DAB1: variants seen among roughly 807,000 people sequenced by gnomAD.
The protein encoded by DAB1 is DAB adaptor protein 1.
Under a neutral mutation model 64.6 loss-of-function variants are expected in DAB1, and 15 were observed. The observed-to-expected ratio is 0.23, with a 90% CI of 0.16 to 0.36. The LOEUF is 0.36. Ranked by LOEUF, DAB1 falls within the 10% of genes least tolerant of loss-of-function variation. The probability of loss-of-function intolerance (pLI) is 1.00; values close to 1 mark genes in which losing one functional copy is unlikely to be tolerated. For missense variants in DAB1, 596 were observed against 706.7 expected, an observed-to-expected ratio of 0.84 and a Z score of 1.78; for synonymous variants, 235 against 251.9, an observed-to-expected ratio of 0.93 and a Z score of 0.64.
intron 3 of DAB1, among the ~76,000 whole-genome samples, chr1:57,143,267 G>A (rs1658787780): frequency 6.6e-6 from 1 of 152,116 alleles, no homozygotes; most frequent in African/African-American, 2.4e-5. Flanking sequence ...ATTCAAGAAA[G>A]CTCACTGTGG....
chr1:58,460,723 G>T (rs12040053), intron 3 of DAB1, among the ~76,000 whole-genome samples: 47,664 of 152,088 alleles, frequency 0.31, 7,832 homozygotes, highest in Non-Finnish European at 0.36. Context: ...CACCCAGACA[G>T]TGTGTATAAT....
intron 2 of DAB1, among the ~76,000 whole-genome samples, chr1:57,288,102 T>C (rs1231076920): frequency 6.6e-6 from 1 of 152,166 alleles, no homozygotes; most frequent in African/African-American, 2.4e-5. Flanking sequence ...AGCCCTTCTC[T>C]CTCATTTTAA....
At chr1:57,037,924 C>A (rs1021235770) in intron 9 of DAB1, among the ~76,000 whole-genome samples, 1 of 152,216 alleles carries the variant, frequency 6.6e-6, no homozygotes, top group East Asian at 1.9e-4. Context: ...AGTTCTCTAT[C>A]TGTGCTGTCC....
chr1:58,371,744 C>A (rs930844213), intron 3 of DAB1, among the ~76,000 whole-genome samples: 1 of 152,184 alleles, frequency 6.6e-6, no homozygotes, highest in Non-Finnish European at 1.5e-5. Context: ...TGCATCGCAG[C>A]TGCTCCACCT....
chr1:57,643,832 T>G (rs1463585085), intron 7 of DAB1, among the ~76,000 whole-genome samples: 1 of 152,172 alleles, frequency 6.6e-6, no homozygotes, highest in African/African-American at 2.4e-5. Context: ...GGATTCAAGT[T>G]TGAAGGACCT....
intron 5 of DAB1, among the ~76,000 whole-genome samples, chr1:58,088,274 T>C (rs1447561400): frequency 2.0e-5 from 3 of 152,228 alleles, no homozygotes; most frequent in Non-Finnish European, 4.4e-5. Flanking sequence ...TTAAGACTTT[T>C]ATAGAGTATA....
chr1:57,157,495 G>T (rs6698538), intron 2 of DAB1, among the ~76,000 whole-genome samples: 7,152 of 152,088 alleles, frequency 0.047, 587 homozygotes, highest in African/African-American at 0.17. Context: ...GTTGGTGAGG[G>T]CCCCCTTCCT....
chr1:57,877,190 G>C (rs114029969), intron 1 of DAB1, among the ~76,000 whole-genome samples: 2,153 of 152,234 alleles, frequency 0.014, 46 homozygotes, highest in African/African-American at 0.048. Context: ...CAAAGCCACA[G>C]AGCTGGTTAT....
chr1:57,698,775 C>T (rs912431729), intron 6 of DAB1, among the ~76,000 whole-genome samples: 1 of 152,164 alleles, frequency 6.6e-6, no homozygotes, highest in African/African-American at 2.4e-5. Context: ...GGGAGCTTCT[C>T]TTTCTCCTTC....
chr1:57,343,681 G>GGGCC (rs903674260), intron 1 of DAB1, among the ~76,000 whole-genome samples: 1 of 152,126 alleles, frequency 6.6e-6, no homozygotes, highest in African/African-American at 2.4e-5. Context: ...GGGGCCGGTG[G>GGGCC]GGCCGGCCGG....
chr1:58,503,648 A>T (rs901665124), intron 3 of DAB1, among the ~76,000 whole-genome samples: 2 of 151,884 alleles, frequency 1.3e-5, no homozygotes, highest in Non-Finnish European at 2.9e-5. Context: ...GGCTTTTGAG[A>T]GCTCCCTTGC....
chr1:58,260,256 A>C (rs1661019218), intron 4 of DAB1, among the ~76,000 whole-genome samples: 1 of 152,262 alleles, frequency 6.6e-6, no homozygotes, highest in Admixed American at 6.5e-5. Flanking sequence ...ACCTTCGCAA[A>C]GCCCTTTACA....
At chr1:57,532,304 G>T (rs1644673677) in intron 7 of DAB1, among the ~76,000 whole-genome samples, 1 of 138,624 alleles carries the variant, frequency 7.2e-6, no homozygotes, top group South Asian at 2.6e-4. Flanking sequence ...CTTCTTTAAT[G>T]AAGAGCCTGT....
chr1:57,563,566 C>A (rs1295674232), intron 7 of DAB1, among the ~76,000 whole-genome samples: 1 of 152,164 alleles, frequency 6.6e-6, no homozygotes, highest in Non-Finnish European at 1.5e-5. Context: ...CAGATGGCAC[C>A]TGGAAAATTG....
At position 57,053,303 on chromosome 1, in the gene DAB1, A is replaced by G. The variant is rs139163348; in HGVS notation, c.723+9581T>C. Among the ~76,000 whole-genome samples the G allele has an allele frequency of 2.8e-3, 420 of 152,186 alleles. 1 individual carries two copies. The highest frequency in any genetic ancestry group is 4.5e-3 in the Non-Finnish European group (306 of 67,982). On this transcript the variant is annotated intron_variant, in intron 9 of 14. Transcript: ENST00000371236. ...TGCTTTGTCACCCAGGCTGGAGTGC[A>G]ATTGTGCAATCATAGCTCACTGCAG...
chr1:57,074,906 A>T (rs3754263), intron 4 of DAB1, among the ~76,000 whole-genome samples: 31,242 of 151,908 alleles, frequency 0.21, 3,751 homozygotes, highest in East Asian at 0.48. Context: ...TTGCTCAAAC[A>T]GTGGTAGCTT....
At chr1:57,105,436 C>T (rs1273513581) in intron 4 of DAB1, among the ~76,000 whole-genome samples, 1 of 152,016 alleles carries the variant, frequency 6.6e-6, no homozygotes, top group East Asian at 1.9e-4. Flanking sequence ...CTGTTGTTTG[C>T]TGCTCCAAGG....
intron 7 of DAB1, among the ~76,000 whole-genome samples, chr1:57,526,610 G>A (rs947848870): frequency 6.6e-6 from 1 of 152,204 alleles, no homozygotes; most frequent in Admixed American, 6.5e-5. Flanking sequence ...AGAAACTGCA[G>A]CTGAAGTGAT....
chr1:57,404,282 A>G (rs1367419835), intron 1 of DAB1, among the ~76,000 whole-genome samples: 4 of 152,236 alleles, frequency 2.6e-5, no homozygotes, highest in Non-Finnish European at 5.9e-5. Context: ...CACAAAGTAA[A>G]ACACGTCTAG....
Sources: allele counts gnomAD v4.1 joint callset (sites outside exome capture counted in the v4.1 genomes callset), GRCh38; gene constraint gnomAD v4.1.1; transcripts MANE v1.5; gene names NCBI Gene and HGNC (gene_info 2026-07-23, HGNC 2026-07-21).